The following CHERP variants were observed in gnomAD, a reference collection of about 807,000 sequenced individuals.
CHERP encodes the protein ERPROT 213-21.
CHERP carries 8 observed loss-of-function variants against 113.8 expected under a neutral mutation model. That is an observed-to-expected ratio of 0.07 (90% confidence interval 0.04 to 0.13). The LOEUF (loss-of-function observed/expected upper bound fraction) is 0.13, where lower values mean the gene tolerates loss of function less well. Among genes scored for constraint, CHERP ranks in the 10% least tolerant of loss-of-function variants. The pLI, the probability that CHERP is intolerant of heterozygous loss-of-function variation, is 1.00. For missense variants in CHERP, 884 were observed against 1,298.2 expected, an observed-to-expected ratio of 0.68 and a Z score of 4.90; for synonymous variants, 559 against 524.5, an observed-to-expected ratio of 1.07 and a Z score of -0.90.
Position 16,519,033 on chromosome 19 carries a change from T to C in CHERP, c.*126A>G. The C allele has an allele frequency of 2.3e-6, 2 of 886,278 alleles. No individual in the cohort carries two copies. The highest frequency in any genetic ancestry group is 1.7e-6 in the Non-Finnish European group (1 of 586,950). 54.9% of individuals were successfully genotyped at this position (886,278 alleles called of 1,614,324 possible). ...CATGCGCTGGTCTTCCTTCTCTTCCTGTGGCTCTCCACAAGTGGAGACGGT... is the reference window on the plus strand; with the variant it reads ...CATGCGCTGGTCTTCCTTCTCTTCCCGTGGCTCTCCACAAGTGGAGACGGT... On this transcript the variant is annotated 3_prime_UTR_variant, in exon 17 of 17. Coordinates refer to ENST00000546361, the MANE Select transcript of CHERP (RefSeq NM_006387.6). The surrounding 1 kb of genome is among the most constrained non-coding windows in gnomAD (Gnocchi z 6.0).
intron 2 of CHERP, among the ~76,000 whole-genome samples, chr19:16,539,070 C>T (rs959199122): frequency 6.6e-6 from 1 of 151,922 alleles, no homozygotes; most frequent in Non-Finnish European, 1.5e-5. Flanking sequence ...GCTTGTCCTA[C>T]ACCACCGGCC....
At chr19:16,536,514 G>A (rs1456708025) in intron 2 of CHERP, among the ~76,000 whole-genome samples, 1 of 152,172 alleles carries the variant, frequency 6.6e-6, no homozygotes, top group African/African-American at 2.4e-5. Context: ...TCAGGTGGAA[G>A]GTGTCGCCCC....
chr19:16,519,547 A>G lies in CHERP; in HGVS notation c.2557+74T>C. 7.1e-7 allele frequency: 1 copy of G among 1,398,616 alleles called. No individual in the cohort carries two copies. The highest frequency in any genetic ancestry group is 1.2e-5 in the South Asian group (1 of 86,258). 86.6% of individuals were successfully genotyped at this position (1,398,616 alleles called of 1,614,324 possible). On this transcript the variant is annotated intron_variant, in intron 16 of 16. Coordinates refer to ENST00000546361, the MANE Select transcript of CHERP (RefSeq NM_006387.6). The surrounding 1 kb of genome is among the most constrained non-coding windows in gnomAD (Gnocchi z 6.0). ...TCCATCCCCACATGCACTGAGGAAG[A>G]GAAAGCGCTGGTGACTCCCGGGCCC...
chr19:16,531,298 C>T (rs893983068), intron 5 of CHERP, among the ~76,000 whole-genome samples: 6 of 152,220 alleles, frequency 3.9e-5, no homozygotes, highest in Non-Finnish European at 5.9e-5. Flanking sequence ...AAGGAAACCT[C>T]GGCCCAGGCC....
At position 16,539,677 on chromosome 19, in the gene CHERP, A is replaced by T. The variant is rs560820967; in HGVS notation, c.199+2193T>A. 8.6e-5 allele frequency: 13 copies of T among 151,976 alleles called. No homozygotes were observed. In the East Asian group the frequency reaches 2.5e-3, roughly 30 times the overall value. 9.4% of individuals were successfully genotyped at this position (151,976 alleles called of 1,614,324 possible). ...TCAAACTCTTCCCTCATACAAGCAC[A>T]TTCTTTTATTAAATAGATTCTCTAC... On this transcript the variant is annotated intron_variant, in intron 2 of 16. Transcript: ENST00000546361.
intron 10 of CHERP, among the ~76,000 whole-genome samples, chr19:16,524,349 G>A (rs1434148485): frequency 6.6e-6 from 1 of 152,164 alleles, no homozygotes; most frequent in Admixed American, 6.5e-5. Context: ...GAGGTCAGGA[G>A]TTCGAGACCA....
chr19:16,539,285 C>A (rs1200268377), intron 2 of CHERP, among the ~76,000 whole-genome samples: 1 of 151,076 alleles, frequency 6.6e-6, no homozygotes, highest in African/African-American at 2.4e-5. Context: ...GTAGCTGGGA[C>A]TACAGGCGCC....
intron 3 of CHERP, among the ~76,000 whole-genome samples, chr19:16,533,873 T>C (rs1362168710): frequency 1.3e-5 from 2 of 151,948 alleles, no homozygotes; most frequent in African/African-American, 4.8e-5. Context: ...GATACACCCA[T>C]GGCCTCTAGT....
intron 5 of CHERP, among the ~76,000 whole-genome samples, chr19:16,531,223 G>C (rs897789109): frequency 1.3e-5 from 2 of 152,230 alleles, no homozygotes; most frequent in Non-Finnish European, 2.9e-5. Flanking sequence ...GCCCCTGCCT[G>C]TGTATGATGG....
chr19:16,541,786 G>GA, intron 2 of CHERP, 84 bp downstream of exon 2: 1 of 1,403,516 alleles, frequency 7.1e-7, no homozygotes, highest in Non-Finnish European at 9.7e-7. Context: ...CGACCCGAAA[G>GA]AAAGAGGTTT....
rs754715517 is a variant in CHERP at position 16,520,399 on chromosome 19, G to A, written c.2310C>T (p.Arg770=). The A allele has an allele frequency of 2.5e-6, 4 of 1,614,126 alleles. No homozygotes were observed. The highest frequency in any genetic ancestry group is 3.4e-6 in the Non-Finnish European group (4 of 1,180,012). The change falls in exon 14 of 17, where the codon CGC becomes CGT. Residue 770 remains arginine, a synonymous_variant. Transcript: ENST00000546361. The surrounding 1 kb of genome is among the most constrained non-coding windows in gnomAD (Gnocchi z 4.0). ...AGCGGGAGTAGGAACGGGAGCAGGA[G>A]CGCGACCTTGACCTTGAGTACGAGC... ...SSGSYSRSRS[R]SCSRSYSRSR...
rs777512692 is a variant in CHERP at position 16,535,617 on chromosome 19, G to A, written c.219C>T (p.Thr73=). The change falls in exon 3 of 17, where the codon ACC becomes ACT. Residue 73 remains threonine (T), a synonymous_variant. Coordinates refer to ENST00000546361, the MANE Select transcript of CHERP (RefSeq NM_006387.6). This position sits in a 1 kb window ranked among gnomAD's most constrained non-coding sequence, Gnocchi z 4.3. ...EQQQLICKQQ[T]PELEPAATMP... is the part of the protein sequence containing the mutation. The stretch of plus-strand genomic sequence containing the variant: ...TGGTGGCGGCTGGCTCCAGCTCCGG[G>A]GTCTGCTGCTTGCAGATGACTGGAG... The A allele has an allele frequency of 3.9e-6, 6 of 1,530,658 alleles. No homozygotes were observed. The South Asian group carries it at 6.1e-5, about 16-fold the overall frequency. The allele number at this position is 1,530,658 out of a possible 1,614,324, so 94.8% of individuals were successfully genotyped here.
rs767725680 is a variant in CHERP at position 16,530,748 on chromosome 19, C to A, written c.786+21G>T. On this transcript the variant is annotated intron_variant, in intron 6 of 16. Coordinates refer to ENST00000546361, the MANE Select transcript of CHERP (RefSeq NM_006387.6). This position sits in a 1 kb window ranked among gnomAD's most constrained non-coding sequence, Gnocchi z 4.1. ...CTGTGTGTCCCGGTCTTGCCCAACC[C>A]CCGGCCCGGGGCCCACGCACCCGGG... is the stretch of plus-strand genomic sequence containing the variant. 1.2e-6 allele frequency: 2 copies of A among 1,613,824 alleles called. No homozygotes were observed. The highest frequency in any genetic ancestry group is 2.2e-5 in the East Asian group (1 of 44,890).
intron 8 of CHERP, 137 bp from the exon 9 acceptor site, chr19:16,528,392 G>C (rs2085671083): frequency 3.9e-6 from 3 of 774,232 alleles, no homozygotes; most frequent in Non-Finnish European, 5.8e-6. Flanking sequence ...CTAAAACCAT[G>C]ACTATCACTG....
intron 3 of CHERP, among the ~76,000 whole-genome samples, chr19:16,533,773 A>AAAC (rs36119133): frequency 0.17 from 26,070 of 151,060 alleles, 3,045 homozygotes; most frequent in African/African-American, 0.33. Flanking sequence ...AACAACAACA[A>AAAC]AACAACAACA....
rs73928612 is a variant in CHERP, at chr19:16,520,602, G to A, written c.2202-95C>T. 8,059 of 1,423,044 alleles carry A rather than the reference G, an allele frequency of 5.7e-3. 401 individuals are homozygous for A. In the African/African-American group the frequency reaches 0.1, roughly 18 times the overall value. 88.2% of individuals were successfully genotyped at this position (1,423,044 alleles called of 1,614,324 possible). ...GTTCCTAGACCACCCCAGATGCAGG[G>A]GCTCTGGCTGTGGATGTGGCGCCAT... On this transcript the variant is annotated intron_variant, in intron 13 of 16. Transcript: ENST00000546361. The surrounding 1 kb of genome is among the most constrained non-coding windows in gnomAD (Gnocchi z 4.0).
chr19:16,529,207 G>A (rs1307776215), intron 8 of CHERP, among the ~76,000 whole-genome samples: 5 of 152,210 alleles, frequency 3.3e-5, no homozygotes, highest in African/African-American at 4.8e-5. Context: ...TAGTAGAGAC[G>A]GGGTTTCACC....
intron 2 of CHERP, among the ~76,000 whole-genome samples, chr19:16,537,658 G>A (rs2085750479): frequency 6.6e-6 from 1 of 152,062 alleles, no homozygotes; most frequent in Non-Finnish European, 1.5e-5. Flanking sequence ...CGGCCTCCGA[G>A]ACATCACTCC....
At chr19:16,528,821 C>T (rs1374663610) in intron 8 of CHERP, among the ~76,000 whole-genome samples, 1 of 152,114 alleles carries the variant, frequency 6.6e-6, no homozygotes, top group Non-Finnish European at 1.5e-5. Flanking sequence ...GGCATGGTTG[C>T]GTGCGCCTGT....
Sources: gnomAD v4.1 joint callset for allele counts (sites outside exome capture counted in the v4.1 genomes callset) on GRCh38, gnomAD v4.1.1 for gene constraint, Gnocchi (gnomAD v3.1) non-coding constraint, MANE v1.5 for transcripts, NCBI Gene and HGNC (gene_info 2026-07-23, HGNC 2026-07-21) for gene names.